Variants in CNTN5 observed in about 807,000 individuals in gnomAD.
CNTN5 encodes the protein contactin-5.
Under a neutral mutation model 129.1 loss-of-function variants are expected in CNTN5, and 77 were observed. The observed-to-expected ratio is 0.60, with a 90% CI of 0.50 to 0.72. The LOEUF is 0.72. Ranked by LOEUF, CNTN5 falls within the 30% of genes least tolerant of loss-of-function variation. CNTN5 has a pLI of 0.00. For missense variants in CNTN5, 1,478 were observed against 1,328.8 expected (o/e 1.11, Z -1.75); for synonymous variants, 509 against 465.6 (o/e 1.09, Z -1.20).
intron 16 of CNTN5, among the ~76,000 whole-genome samples, chr11:100,243,013 G>C (rs1313988537): frequency 6.6e-6 from 1 of 152,174 alleles, no homozygotes; most frequent in East Asian, 1.9e-4. Context: ...TGGTGTGGTA[G>C]GAGAGGGTTT....
intron 1 of CNTN5, among the ~76,000 whole-genome samples, chr11:99,224,195 T>C (rs1238042493): frequency 6.7e-6 from 1 of 149,806 alleles, no homozygotes; most frequent in Non-Finnish European, 1.5e-5. Flanking sequence ...TGAGAGAGCT[T>C]CTGAAACACT....
intron 23 of CNTN5, among the ~76,000 whole-genome samples, chr11:100,341,754 TG>T: frequency 6.6e-6 from 1 of 152,164 alleles, no homozygotes; most frequent in East Asian, 1.9e-4. Context: ...ATGTGCAATT[TG>T]TTTTTGAAAA....
intron 16 of CNTN5, among the ~76,000 whole-genome samples, chr11:100,226,805 T>C (rs1350993380): frequency 6.6e-6 from 1 of 152,146 alleles, no homozygotes; most frequent in African/African-American, 2.4e-5. Context: ...TTCAACAAGC[T>C]TTGATGTTTG....
At chr11:100,131,167 G>C (rs1946366293) in intron 13 of CNTN5, among the ~76,000 whole-genome samples, 1 of 152,066 alleles carries the variant, frequency 6.6e-6, no homozygotes, top group African/African-American at 2.4e-5. Context: ...TGTGTGGAAT[G>C]AAATGAGTTG....
chr11:100,136,152 C>T (rs911944684), intron 13 of CNTN5, among the ~76,000 whole-genome samples: 1 of 152,062 alleles, frequency 6.6e-6, no homozygotes, highest in Non-Finnish European at 1.5e-5. Context: ...AGATTAAACC[C>T]AGGATTGTCA....
chr11:99,501,553 A>T (rs1379893619), intron 2 of CNTN5, among the ~76,000 whole-genome samples: 1 of 152,228 alleles, frequency 6.6e-6, no homozygotes, highest in Non-Finnish European at 1.5e-5. Flanking sequence ...CTGCAGTTGC[A>T]AAAGAACTGA....
chr11:99,846,047 T>A (rs1414082278), intron 6 of CNTN5, among the ~76,000 whole-genome samples: 4 of 152,042 alleles, frequency 2.6e-5, no homozygotes, highest in Non-Finnish European at 5.9e-5. Flanking sequence ...GAAATGCTAA[T>A]ATTTTAGATT....
intron 13 of CNTN5, among the ~76,000 whole-genome samples, chr11:100,136,888 T>G (rs1009808917): frequency 1.3e-5 from 2 of 151,846 alleles, no homozygotes; most frequent in Admixed American, 1.3e-4. Context: ...AGATTGGACA[T>G]CAAGAAAAGT....
chr11:100,235,428 C>G (rs1475061325), intron 16 of CNTN5, among the ~76,000 whole-genome samples: 6 of 152,140 alleles, frequency 3.9e-5, no homozygotes, highest in African/African-American at 9.7e-5. Flanking sequence ...CAGCTGTTCT[C>G]TGACCCTGAG....
At chr11:99,164,134 T>A (rs1012940601) in intron 1 of CNTN5, among the ~76,000 whole-genome samples, 6 of 152,056 alleles carry the variant, frequency 3.9e-5, no homozygotes, top group Non-Finnish European at 8.8e-5. Context: ...AAGACCAGCC[T>A]GGCCAACATG....
intron 7 of CNTN5, among the ~76,000 whole-genome samples, chr11:99,934,872 C>G (rs1363600879): frequency 5.8e-4 from 29 of 50,118 alleles, no homozygotes; most frequent in South Asian, 1.1e-3. Flanking sequence ...GAGACTCAGT[C>G]TGTGTGTGTG....
At chr11:99,452,276 T>C (rs1944331245) in intron 2 of CNTN5, among the ~76,000 whole-genome samples, 1 of 151,940 alleles carries the variant, frequency 6.6e-6, no homozygotes. Context: ...TCAGCACTAA[T>C]ATATATGTTA....
At chr11:99,168,648 G>A (rs564771281) in intron 1 of CNTN5, among the ~76,000 whole-genome samples, 12 of 151,906 alleles carry the variant, frequency 7.9e-5, no homozygotes, top group East Asian at 3.9e-4. Context: ...TGAATATATC[G>A]TAACTACCTT....
intron 2 of CNTN5, among the ~76,000 whole-genome samples, chr11:99,343,856 T>C (rs1482043732): frequency 6.6e-6 from 1 of 152,048 alleles, no homozygotes; most frequent in Non-Finnish European, 1.5e-5. Flanking sequence ...GGCAAGTAAA[T>C]GTGTAATTAC....
At chr11:99,195,329 C>T (rs1858846724) in intron 1 of CNTN5, among the ~76,000 whole-genome samples, 1 of 152,056 alleles carries the variant, frequency 6.6e-6, no homozygotes, top group Admixed American at 6.6e-5. Flanking sequence ...CTAACATTTA[C>T]CTATTTTTTC....
At chr11:99,977,559 G>T (rs1297812247) in intron 8 of CNTN5, among the ~76,000 whole-genome samples, 1 of 152,194 alleles carries the variant, frequency 6.6e-6, no homozygotes, top group Non-Finnish European at 1.5e-5. Flanking sequence ...GCAGAATGCA[G>T]ACAGACAAGA....
At chr11:99,112,224 A>G (rs549447453) in intron 1 of CNTN5, among the ~76,000 whole-genome samples, 4 of 152,186 alleles carry the variant, frequency 2.6e-5, no homozygotes, top group Non-Finnish European at 5.9e-5. Context: ...TTTATAAATT[A>G]ACTTATTTCG....
rs556237918 is a variant in CNTN5, at chr11:99,578,947, G to C, written c.55+22678G>C. Among the ~76,000 whole-genome samples, 5 of 152,066 alleles carry C rather than the reference G, an allele frequency of 3.3e-5. No homozygotes were observed. In the South Asian group the frequency reaches 1.0e-3, roughly 32 times the overall value. Reference sequence around the variant, plus strand: ...GGTATTGCCTAGGTTTTCTTCTAGGGTTTTTATGGTTTTAGGTCTAACCAT... The same window carrying C: ...GGTATTGCCTAGGTTTTCTTCTAGGCTTTTTATGGTTTTAGGTCTAACCAT... On this transcript the variant is annotated intron_variant, in intron 3 of 24. Transcript: ENST00000524871.
chr11:100,243,270 G>A (rs1389363060), intron 16 of CNTN5, among the ~76,000 whole-genome samples: 1 of 152,242 alleles, frequency 6.6e-6, no homozygotes, highest in African/African-American at 2.4e-5. Context: ...AAAGAAATTA[G>A]AAAATCTAAA....
Sources: allele counts gnomAD v4.1 joint callset (sites outside exome capture counted in the v4.1 genomes callset), GRCh38; gene constraint gnomAD v4.1.1; transcripts MANE v1.5; gene names NCBI Gene and HGNC (gene_info 2026-07-23, HGNC 2026-07-21).